The following TMEM43 variants were observed in gnomAD, a reference collection of about 807,000 sequenced individuals.
The protein encoded by TMEM43 is transmembrane protein 43, also known as arrhythmogenic right ventricular dysplasia 5.
Under a neutral mutation model 49.6 loss-of-function variants are expected in TMEM43, and 45 were observed. The ratio of observed to expected loss-of-function variants is 0.91; its 90% CI spans 0.71 to 1.16. The LOEUF (loss-of-function observed/expected upper bound fraction) is 1.16. Among genes scored for constraint, TMEM43 ranks in the 50% most tolerant of loss-of-function variants. The probability of loss-of-function intolerance (pLI) is 0.00; values close to 1 mark genes in which losing one functional copy is unlikely to be tolerated. For synonymous variants in TMEM43, 199 were observed against 207.8 expected (o/e 0.96, Z 0.36); for missense variants, 532 against 516.6 (o/e 1.03, Z -0.29).
At chr3:14,139,476 G>C (rs927771197) in intron 11 of TMEM43, among the ~76,000 whole-genome samples, 179 bp downstream of exon 11, 2 of 152,224 alleles carry the variant, frequency 1.3e-5, no homozygotes, top group Non-Finnish European at 2.9e-5. Flanking sequence ...AGGAAGGCAG[G>C]CTTGAGGGCA....
intron 7 of TMEM43, 75 bp downstream of exon 7, chr3:14,133,884 C>G: frequency 7.4e-7 from 1 of 1,351,676 alleles, no homozygotes; most frequent in Non-Finnish European, 1.1e-6. Flanking sequence ...TCCCAGTACT[C>G]AGCCTTCAGA....
intron 6 of TMEM43, 103 bp downstream of exon 6, chr3:14,133,038 G>C: frequency 1.9e-6 from 2 of 1,040,420 alleles, no homozygotes; most frequent in Admixed American, 3.7e-5. Context: ...ATCCTGCCTC[G>C]TGGGTTGAAA....
At chr3:14,134,259 G>T (rs1695138034) in intron 7 of TMEM43, among the ~76,000 whole-genome samples, 1 of 152,264 alleles carries the variant, frequency 6.6e-6, no homozygotes, top group African/African-American at 2.4e-5. Context: ...AGAGAAGCTT[G>T]CAAGGGATAA....
chr3:14,141,742 C>A lies in TMEM43; in HGVS notation c.1150C>A (p.Leu384Ile), dbSNP rs193922706. The change falls in exon 12 of 12, where the codon CTT becomes ATT. Residue 384 changes from leucine to isoleucine, a missense_variant. Transcript: ENST00000306077. ...GGCCCTCCTCATTGCCGGCCTGGCCCTTGTGCCCATCCTTGTTGCTCGGAC... is the reference window on the plus strand; with the variant it reads ...GGCCCTCCTCATTGCCGGCCTGGCCATTGTGCCCATCCTTGTTGCTCGGAC... ...LWALLIAGLA[L>I]VPILVARTRV... 1.9e-6 allele frequency: 3 copies of A among 1,614,090 alleles called. No individual in the cohort carries two copies. Among genetic ancestry groups the A allele is most frequent in the Non-Finnish European group, 1.7e-6 (2 of 1,180,064 alleles).
In TMEM43 at chr3:14,133,814, G is replaced by A; in HGVS notation, c.583+5G>A. On this transcript the variant is annotated splice_donor_5th_base_variant and intron_variant, in intron 7 of 11. Transcript: ENST00000306077. The stretch of plus-strand genomic sequence containing the variant: ...GCAGGTTTTTCCTCTCGTCAGGTAA[G>A]TCTCAGGCCTCTCCAGAGGAGCTCG... 1 of 1,614,088 alleles carries A rather than the reference G, an allele frequency of 6.2e-7. No homozygotes were observed. The highest frequency in any genetic ancestry group is 8.5e-7 in the Non-Finnish European group (1 of 1,179,904).
intron 7 of TMEM43, among the ~76,000 whole-genome samples, chr3:14,134,548 T>A (rs1313035518): frequency 1.3e-5 from 2 of 152,188 alleles, no homozygotes; most frequent in African/African-American, 4.8e-5. Flanking sequence ...AGTGCTGTGG[T>A]CACTCTGACT....
intron 2 of TMEM43, among the ~76,000 whole-genome samples, chr3:14,130,449 A>T (rs527684241): frequency 1.1e-3 from 169 of 152,334 alleles, no homozygotes; most frequent in Non-Finnish European, 1.8e-3. Context: ...CAGCCTGGGC[A>T]ACATAGCAAG....
chr3:14,125,078 T>A lies in TMEM43; in HGVS notation c.-116T>A. 7.3e-7 allele frequency: 1 copy of A among 1,361,674 alleles called. No homozygotes were observed. Among genetic ancestry groups the A allele is most frequent in the Non-Finnish European group, 1.0e-6 (1 of 975,436 alleles). 84.3% of individuals were successfully genotyped at this position (1,361,674 alleles called of 1,614,324 possible). ...CAGTAAGTCCCGCTTGGCCCTGGAG[T>A]CCACGCGGATTTTCGAAGCTGGGGC... On this transcript the variant is annotated 5_prime_UTR_variant, in exon 1 of 12. Coordinates refer to ENST00000306077, the MANE Select transcript of TMEM43 (RefSeq NM_024334.3).
In TMEM43 at chr3:14,141,888, C is replaced by T. The variant is rs886058031; in HGVS notation, c.*93C>T. ...CAGCTCCATGCCAGAGCAGGAGCCC[C>T]GGTCAATTTTGGACTCTGCACTCCC... is the stretch of plus-strand genomic sequence containing the variant. On this transcript the variant is annotated 3_prime_UTR_variant, in exon 12 of 12. Transcript: ENST00000306077. The T allele has an allele frequency of 3.0e-5, 41 of 1,375,400 alleles. No homozygotes were observed. The Admixed American group carries it at 4.6e-4, about 16-fold the overall frequency. The allele number at this position is 1,375,400 out of a possible 1,614,324, so 85.2% of individuals were successfully genotyped here.
chr3:14,131,463 A>C (rs1574937604), intron 3 of TMEM43, 117 bp from the exon 4 acceptor site: 1 of 844,456 alleles, frequency 1.2e-6, no homozygotes, highest in Admixed American at 2.0e-5. Context: ...AGGGCTCTCC[A>C]CCCTTGTCCC....
Position 14,132,929 on chromosome 3 carries a change from AC to A in TMEM43, c.510del (p.Ser171ValfsTer36), listed in dbSNP as rs1695117345. On this transcript the variant is annotated frameshift_variant, in exon 6 of 12. Transcript: ENST00000306077. LOFTEE classifies it high-confidence loss of function. ...KNFDREIGHKNPSAMAVESFM... is the reference protein window; with the variant it reads ...KNFDREIGHKXPSAMAVESFM... ...TTCGACCGAGAGATTGGCCACAAAA[AC>A]CCCAGGTGAGAGCCAGGCCCAAGGC... 3.1e-6 allele frequency: 5 copies of A among 1,613,442 alleles called. No homozygotes were observed. The highest frequency in any genetic ancestry group is 4.2e-6 in the Non-Finnish European group (5 of 1,179,704).
In TMEM43 at chr3:14,141,951, C is replaced by T. The variant is rs959858182; in HGVS notation, c.*156C>T. 2.4e-4 allele frequency: 172 copies of T among 712,446 alleles called. 3 individuals are homozygous for T. In the South Asian group the frequency reaches 3.2e-3, roughly 13 times the overall value. 44.1% of individuals were successfully genotyped at this position (712,446 alleles called of 1,614,324 possible). A position where few individuals can be genotyped will look rare whatever the true frequency, so the allele number is the denominator to read the frequency against. ...GGGCCAGACTTGGCAGCATGTGCAC[C>T]AGGTTGGTGTTCACCAGCTCATGTC... On this transcript the variant is annotated 3_prime_UTR_variant, in exon 12 of 12. Coordinates refer to ENST00000306077, the MANE Select transcript of TMEM43 (RefSeq NM_024334.3).
intron 2 of TMEM43, 119 bp from the exon 3 acceptor site, chr3:14,130,703 G>C: frequency 7.5e-7 from 1 of 1,325,674 alleles, no homozygotes; most frequent in Non-Finnish European, 1.0e-6. Flanking sequence ...CAACTGTACG[G>C]TGGGGAGATG....
chr3:14,128,715 G>A (rs1393637095), intron 1 of TMEM43: 4 of 275,416 alleles, frequency 1.5e-5, no homozygotes, highest in Non-Finnish European at 2.1e-5. Context: ...AAATAGCTTG[G>A]CAGTTTCATA....
chr3:14,125,076 A>C lies in TMEM43; in HGVS notation c.-118A>C. The stretch of plus-strand genomic sequence containing the variant: ...TGCAGTAAGTCCCGCTTGGCCCTGG[A>C]GTCCACGCGGATTTTCGAAGCTGGG... On this transcript the variant is annotated 5_prime_UTR_variant, in exon 1 of 12. Coordinates refer to ENST00000306077, the MANE Select transcript of TMEM43 (RefSeq NM_024334.3). 1 of 1,320,158 alleles carries C rather than the reference A, an allele frequency of 7.6e-7. No homozygotes were observed. Among genetic ancestry groups the C allele is most frequent in the South Asian group, 1.2e-5 (1 of 80,716 alleles). 81.8% of individuals were successfully genotyped at this position (1,320,158 alleles called of 1,614,324 possible). A position where few individuals can be genotyped will look rare whatever the true frequency, so the allele number is the denominator to read the frequency against.
intron 1 of TMEM43, among the ~76,000 whole-genome samples, chr3:14,126,960 C>T (rs901363481): frequency 6.6e-6 from 1 of 152,142 alleles, no homozygotes; most frequent in Admixed American, 6.5e-5. Context: ...GAGCAATTTA[C>T]CCAGGCTTAC....
chr3:14,138,890 G>A (rs558722605), intron 10 of TMEM43, among the ~76,000 whole-genome samples: 2 of 152,282 alleles, frequency 1.3e-5, no homozygotes, highest in South Asian at 4.1e-4. Flanking sequence ...AGGGGTGGTG[G>A]GCAGGGTCCT....
intron 11 of TMEM43, among the ~76,000 whole-genome samples, chr3:14,141,109 G>A (rs1695240150): frequency 6.6e-6 from 1 of 152,154 alleles, no homozygotes; most frequent in African/African-American, 2.4e-5. Flanking sequence ...ATTTCCTCTA[G>A]CACCTGCTGG....
At chr3:14,128,910 GTGGT>G in intron 1 of TMEM43, 1 of 456,042 alleles carries the variant, frequency 2.2e-6, no homozygotes. Context: ...TCAGCACACT[GTGGT>G]ATAGTCATAA....
Sources: allele counts gnomAD v4.1 joint callset (sites outside exome capture counted in the v4.1 genomes callset), GRCh38; gene constraint gnomAD v4.1.1; transcripts MANE v1.5; gene names NCBI Gene and HGNC (gene_info 2026-07-23, HGNC 2026-07-21).